The following ADH1B variants were observed in gnomAD, a reference collection of about 807,000 sequenced individuals.
ADH1B encodes the protein all-trans-retinol dehydrogenase [NAD(+)] ADH1B.
A neutral mutation model predicts 34.6 loss-of-function variants in ADH1B; 29 were observed. That is an observed-to-expected ratio of 0.84 (90% CI 0.62 to 1.14). The LOEUF (loss-of-function observed/expected upper bound fraction) is 1.14, where lower values mean the gene tolerates loss of function less well. Ranked by LOEUF, ADH1B falls within the 50% of genes most tolerant of loss-of-function variation. The probability of loss-of-function intolerance (pLI) is 0.00; values close to 1 mark genes in which losing one functional copy is unlikely to be tolerated. For missense variants in ADH1B, 424 were observed against 468.4 expected, an observed-to-expected ratio of 0.91 and a Z score of 0.87; for synonymous variants, 170 against 175.5, an observed-to-expected ratio of 0.97 and a Z score of 0.25.
chr4:99,313,634 T>C, intron 6 of ADH1B, 187 bp downstream of exon 6: 1 of 1,085,108 alleles, frequency 9.2e-7, no homozygotes, highest in Non-Finnish European at 1.3e-6. Context: ...TTGAGACAGG[T>C]TTGGGTAATT....
Position 99,319,021 on chromosome 4 carries a change from C to T in ADH1B, c.19-135G>A, listed in dbSNP as rs140880364. 117 of 947,308 alleles carry T rather than the reference C, an allele frequency of 1.2e-4. No individual in the cohort carries two copies. The African/African-American group carries it at 1.7e-3, about 14-fold the overall frequency. 58.7% of individuals were successfully genotyped at this position (947,308 alleles called of 1,614,324 possible). On this transcript the variant is annotated intron_variant, in intron 1 of 8. Transcript: ENST00000305046. ...ACAAGTGCTCCATGGAAATGAAGTACTCTGGTTTATAAAGAGAATAAAAGT... is the reference window on the plus strand; with the variant it reads ...ACAAGTGCTCCATGGAAATGAAGTATTCTGGTTTATAAAGAGAATAAAAGT...
intron 8 of ADH1B, among the ~76,000 whole-genome samples, chr4:99,309,640 T>G (rs1394053300): frequency 6.6e-6 from 1 of 152,194 alleles, no homozygotes. Flanking sequence ...GTTTTCCATA[T>G]GTACATGCAC....
intron 4 of ADH1B, 27 bp downstream of exon 4, chr4:99,316,188 T>C: frequency 6.2e-7 from 1 of 1,614,076 alleles, no homozygotes; most frequent in South Asian, 1.1e-5. Context: ...ACTCAAAGTC[T>C]GTGCAAAGAG....
chr4:99,319,901 A>G (rs1173827339), intron 1 of ADH1B: 1 of 152,178 alleles, frequency 6.6e-6, no homozygotes. Flanking sequence ...AACATGGTCA[A>G]TGCCAAAATA....
chr4:99,310,403 G>A (rs907278782), intron 8 of ADH1B: 7 of 416,974 alleles, frequency 1.7e-5, no homozygotes, highest in Middle Eastern at 3.5e-4. Flanking sequence ...CTTTATATAG[G>A]TAGAAGGAAG....
chr4:99,321,356 C>G lies in ADH1B; in HGVS notation c.-25G>C. ...TGTCGTTTCTGTCTTCTCTGCCCAC[C>G]AGCAGACTGTGAGTCTTTGTGGATT... On this transcript the variant is annotated 5_prime_UTR_variant, in exon 1 of 9. Coordinates refer to ENST00000305046, the MANE Select transcript of ADH1B (RefSeq NM_000668.6). 1 of 1,610,646 alleles carries G rather than the reference C, an allele frequency of 6.2e-7. No homozygotes were observed. The highest frequency in any genetic ancestry group is 8.5e-7 in the Non-Finnish European group (1 of 1,177,716).
intron 5 of ADH1B, chr4:99,314,734 G>A (rs917939350): frequency 5.3e-5 from 8 of 152,346 alleles, no homozygotes; most frequent in African/African-American, 1.9e-4. Flanking sequence ...CTATTGTTAT[G>A]AGTATCCTCA....
intron 5 of ADH1B, chr4:99,315,100 G>A (rs1467858925): frequency 6.6e-6 from 1 of 152,080 alleles, no homozygotes; most frequent in African/African-American, 2.4e-5. Flanking sequence ...TATGTATTGC[G>A]AGCTAAGATT....
chr4:99,313,711 T>G lies in ADH1B; in HGVS notation c.828+110A>C, dbSNP rs904448712. ...ACATAACAAACAGATGATGGGAAAT[T>G]TCCATTCATCATTAAAAATATCCTT... On this transcript the variant is annotated intron_variant, in intron 6 of 8. Transcript: ENST00000305046. 6.4e-6 allele frequency: 10 copies of G among 1,562,548 alleles called. No homozygotes were observed. In the Admixed American group the frequency reaches 1.7e-4, roughly 26 times the overall value.
Position 99,313,805 on chromosome 4 carries a change from A to G in ADH1B, c.828+16T>C. 2 of 1,614,052 alleles carry G rather than the reference A, an allele frequency of 1.2e-6. No homozygotes were observed. Among genetic ancestry groups the G allele is most frequent in the Non-Finnish European group, 1.7e-6 (2 of 1,179,904 alleles). ...GTTGCAGAGGCAGAAATCTCAGGGC[A>G]TGTCATGGTACATACCATGGTGTCA... On this transcript the variant is annotated intron_variant, in intron 6 of 8. Transcript: ENST00000305046.
In ADH1B at chr4:99,311,569, G is replaced by T. The variant is rs201429349; in HGVS notation, c.916C>A (p.Pro306Thr). The T allele has an allele frequency of 7.4e-6, 12 of 1,614,054 alleles. No individual in the cohort carries two copies. Among genetic ancestry groups the T allele is most frequent in the Non-Finnish European group, 1.0e-5 (12 of 1,179,970 alleles). Residue 306 changes from proline to threonine, a missense_variant, in exon 7 of 9, where the codon CCT becomes ACT. Physicochemically the swap from Pro to Thr is conservative, Grantham distance 38. This residue lies in a region of ADH1B where 130 missense variants were observed against 151.8 expected (regional missense o/e 0.86). Transcript: ENST00000305046. ...GTGCGTCCAGTCAGTAGCAGCATAG[G>T]GTTTATTGAGAGGTTCTGGGAAGCA... ...PPASQNLSIN[P>T]MLLLTGRTWK...
At chr4:99,317,855 A>G in intron 3 of ADH1B, 191 bp downstream of exon 3, 1 of 853,100 alleles carries the variant, frequency 1.2e-6, no homozygotes, top group Non-Finnish European at 1.8e-6. Context: ...TGAAGGGTAC[A>G]ATACATGAGT....
chr4:99,308,554 G>C (rs1733672947), intron 8 of ADH1B, among the ~76,000 whole-genome samples: 1 of 151,780 alleles, frequency 6.6e-6, no homozygotes, highest in African/African-American at 2.4e-5. Flanking sequence ...TTCTAAGATA[G>C]TTCATTCTTG....
chr4:99,313,723 T>A, intron 6 of ADH1B, 98 bp downstream of exon 6: 1 of 1,579,060 alleles, frequency 6.3e-7, no homozygotes, highest in Non-Finnish European at 8.6e-7. Context: ...CCATTCATCA[T>A]TAAAAATATC....
rs1383879642 is a variant in ADH1B, at chr4:99,305,561, G to GTGTGTGTATATATA, written c.*2278_*2279insTATATATACACACA. On this transcript the variant is annotated 3_prime_UTR_variant, in exon 9 of 9. Coordinates refer to ENST00000305046, the MANE Select transcript of ADH1B (RefSeq NM_000668.6). ...CTATATGAACCACTTGCCCCATAGTGTATATATATATATATATATATATAT... is the reference window on the plus strand; with the variant it reads ...CTATATGAACCACTTGCCCCATAGTGTGTGTGTATATATATATATATATATATATATATATATAT... The GTGTGTGTATATATA allele has an allele frequency of 4.1e-5, 2 of 49,374 alleles. No homozygotes were observed. The highest frequency in any genetic ancestry group is 1.8e-4 in the African/African-American group (2 of 10,814). 3.1% of individuals were successfully genotyped at this position (49,374 alleles called of 1,614,324 possible).
chr4:99,305,559 GTGTATATATATATATATATATATA>G lies in ADH1B; in HGVS notation c.*2257_*2280del, dbSNP rs1479844419. On this transcript the variant is annotated 3_prime_UTR_variant, in exon 9 of 9. Transcript: ENST00000305046. Reference sequence around the variant, plus strand: ...AACTATATGAACCACTTGCCCCATAGTGTATATATATATATATATATATATATATATATATATATATATATATAT... The same window carrying G: ...AACTATATGAACCACTTGCCCCATAGTATATATATATATATATATATATAT... The G allele has an allele frequency of 9.0e-4, 39 of 43,104 alleles. No individual in the cohort carries two copies. Among genetic ancestry groups the G allele is most frequent in the Non-Finnish European group, 1.3e-3 (32 of 25,020 alleles). The allele number at this position is 43,104 out of a possible 1,614,324, so 2.7% of individuals were successfully genotyped here.
At position 99,311,535 on chromosome 4, in the gene ADH1B, C is replaced by G; in HGVS notation, c.950G>C (p.Gly317Ala). The G allele has an allele frequency of 6.2e-7, 1 of 1,613,534 alleles. No individual in the cohort carries two copies. Reference sequence around the variant, plus strand: ...CAACTACATACCACCATAAACAGCCCCCTTCCAGGTGCGTCCAGTCAGTAG... The same window carrying G: ...CAACTACATACCACCATAAACAGCCGCCTTCCAGGTGCGTCCAGTCAGTAG... ...MLLLTGRTWKGAVYGGFKSKE... is the reference protein window; with the variant it reads ...MLLLTGRTWKAAVYGGFKSKE... Residue 317 changes from glycine (G) to alanine (A), a missense_variant, in exon 7 of 9, where the codon GGG becomes GCG. Transcript: ENST00000305046.
At position 99,305,918 on chromosome 4, in the gene ADH1B, G is replaced by C. The variant is rs1579505369; in HGVS notation, c.*1922C>G. 2 of 152,256 alleles carry C rather than the reference G, an allele frequency of 1.3e-5. No individual in the cohort carries two copies. The highest frequency in any genetic ancestry group is 3.9e-4 in the East Asian group (2 of 5,172). 9.4% of individuals were successfully genotyped at this position (152,256 alleles called of 1,614,324 possible). A position where few individuals can be genotyped will look rare whatever the true frequency, so the allele number is the denominator to read the frequency against. ...AATCAGCATCAGTGTAAAAGCCGCA[G>C]AGCACCCAGCAACAGGTAGTGTCCC... is the stretch of plus-strand genomic sequence containing the variant. On this transcript the variant is annotated 3_prime_UTR_variant, in exon 9 of 9. Transcript: ENST00000305046.
chr4:99,318,255 C>G, intron 2 of ADH1B, 71 bp from the exon 3 acceptor site: 1 of 1,582,350 alleles, frequency 6.3e-7, no homozygotes, highest in South Asian at 1.1e-5. Context: ...TACCCAAATT[C>G]CTGAAATTGT....
Sources: gnomAD v4.1 joint callset for allele counts (sites outside exome capture counted in the v4.1 genomes callset) on GRCh38, gnomAD v4.1.1 for gene constraint, gnomAD v4.1.1 regional missense constraint, MANE v1.5 for transcripts, NCBI Gene and HGNC (gene_info 2026-07-23, HGNC 2026-07-21) for gene names.